Variants in CABIN1 observed in about 807,000 individuals in gnomAD.
CABIN1 encodes calcineurin binding protein 1, also known as calcineurin-binding protein cabin-1.
CABIN1 carries 133 observed loss-of-function variants against 227.7 expected under a neutral mutation model. The observed-to-expected ratio is 0.58, with a 90% CI of 0.51 to 0.67. CABIN1 has a LOEUF of 0.67. CABIN1 is among the 30% of genes least tolerant of loss of function. CABIN1 has a pLI of 0.00. For missense variants in CABIN1, 2,408 were observed against 2,852.5 expected, an observed-to-expected ratio of 0.84 and a Z score of 3.55; for synonymous variants, 1,086 against 1,155.1, an observed-to-expected ratio of 0.94 and a Z score of 1.21.
At chr22:24,032,132 T>A (rs945364657) in intron 1 of CABIN1, among the ~76,000 whole-genome samples, 1 of 152,232 alleles carries the variant, frequency 6.6e-6, no homozygotes, top group Non-Finnish European at 1.5e-5. Flanking sequence ...CTATACCCAT[T>A]AAACAGTAAC....
Position 24,164,475 on chromosome 22 carries a change from C to T in CABIN1, c.4822C>T (p.Leu1608=). 2 of 1,606,260 alleles carry T rather than the reference C, an allele frequency of 1.2e-6. No individual in the cohort carries two copies. The highest frequency in any genetic ancestry group is 8.5e-7 in the Non-Finnish European group (1 of 1,179,978). ...CTGGCACATGAACCGCTCCATCGTG[C>T]TGCTGCTCAAGGTGCTGGCCCAGCT... ...FAWHMNRSIV[L]LLKVLAQLRD... is the part of the protein sequence containing the mutation. The change falls in exon 30 of 37, where the codon CTG becomes TTG. Residue 1608 remains leucine (L), a synonymous_variant. Coordinates refer to ENST00000263119, the MANE Select transcript of CABIN1 (RefSeq NM_012295.4).
At chr22:24,129,269 G>A (rs58664265) in intron 28 of CABIN1, among the ~76,000 whole-genome samples, 19,528 of 152,192 alleles carry the variant, frequency 0.13, 1,520 homozygotes, top group East Asian at 0.3. Flanking sequence ...GAAGAGAAAG[G>A]GAGCGTGGGG....
Position 24,055,108 on chromosome 22 carries a change from A to C in CABIN1, c.1042A>C (p.Thr348Pro). 1 of 1,614,048 alleles carries C rather than the reference A, an allele frequency of 6.2e-7. No individual in the cohort carries two copies. Residue 348 changes from threonine (T) to proline (P), a missense_variant, in exon 9 of 37, where the codon ACC becomes CCC. Transcript: ENST00000263119. ...GGTCTCCTACACCTCTGTGGCTACA[A>C]CCAGCTTCCCACTGCACAGTCCTGG... is the stretch of plus-strand genomic sequence containing the variant. Reference protein sequence around the residue: ...PVVSYTSVATTSFPLHSPGLL... With the variant: ...PVVSYTSVATPSFPLHSPGLL...
intron 26 of CABIN1, among the ~76,000 whole-genome samples, chr22:24,100,206 C>A (rs185891499): frequency 5.2e-5 from 8 of 152,386 alleles, no homozygotes; most frequent in Admixed American, 1.3e-4. Flanking sequence ...GATCCCATGG[C>A]CCATCTTTGC....
intron 5 of CABIN1, among the ~76,000 whole-genome samples, chr22:24,042,010 G>A (rs1003041633): frequency 2.0e-5 from 3 of 152,188 alleles, no homozygotes; most frequent in Non-Finnish European, 4.4e-5. Context: ...GGAGTGCAGT[G>A]GCACAATCAG....
chr22:24,167,323 A>G lies in CABIN1; in HGVS notation c.5682+10A>G. ...CATGCTCATCAAGCAGGTGGGTGGC[A>G]GGCAGAGGCCTGGGGGCACTAGTCT... is the stretch of plus-strand genomic sequence containing the variant. On this transcript the variant is annotated intron_variant, in intron 32 of 36. Transcript: ENST00000263119. 1 of 1,610,066 alleles carries G rather than the reference A, an allele frequency of 6.2e-7. No individual in the cohort carries two copies. Among genetic ancestry groups the G allele is most frequent in the South Asian group, 1.1e-5 (1 of 90,188 alleles).
chr22:24,169,452 C>G (rs992021004), intron 33 of CABIN1, among the ~76,000 whole-genome samples: 2 of 152,172 alleles, frequency 1.3e-5, no homozygotes, highest in Admixed American at 6.5e-5. Context: ...TGGGCTATTA[C>G]GTCTGCGGAA....
At chr22:24,136,762 C>T (rs1049483611) in intron 29 of CABIN1, among the ~76,000 whole-genome samples, 4 of 151,804 alleles carry the variant, frequency 2.6e-5, no homozygotes, top group African/African-American at 9.7e-5. Context: ...CACACACACA[C>T]ACACAGAAAG....
At chr22:24,041,510 C>T (rs1359809659) in intron 5 of CABIN1, among the ~76,000 whole-genome samples, 2 of 152,154 alleles carry the variant, frequency 1.3e-5, no homozygotes, top group African/African-American at 2.4e-5. Flanking sequence ...TGAATTCTTC[C>T]TTTGCTGCTC....
intron 18 of CABIN1, 118 bp downstream of exon 18, chr22:24,072,628 A>G: frequency 8.1e-7 from 1 of 1,234,460 alleles, no homozygotes; most frequent in Non-Finnish European, 1.2e-6. Flanking sequence ...AGTCCTCTCA[A>G]TCCCAGGATT....
At chr22:24,018,201 C>G (rs955861899) in intron 1 of CABIN1, among the ~76,000 whole-genome samples, 1 of 152,048 alleles carries the variant, frequency 6.6e-6, no homozygotes, top group African/African-American at 2.4e-5. Flanking sequence ...GGTATTAGTC[C>G]CTTGTCAGTG....
intron 26 of CABIN1, among the ~76,000 whole-genome samples, chr22:24,112,541 G>T (rs1396245004): frequency 6.6e-6 from 1 of 152,088 alleles, no homozygotes; most frequent in Admixed American, 6.5e-5. Flanking sequence ...CCTTCTCCCT[G>T]CAGTAGACTC....
chr22:24,061,309 G>A (rs2039173755), intron 12 of CABIN1, among the ~76,000 whole-genome samples: 1 of 152,214 alleles, frequency 6.6e-6, no homozygotes, highest in Non-Finnish European at 1.5e-5. Flanking sequence ...TGAAGCAGGA[G>A]CACCAGGAAC....
At chr22:24,088,368 C>T (rs952348766) in intron 23 of CABIN1, among the ~76,000 whole-genome samples, 1 of 152,114 alleles carries the variant, frequency 6.6e-6, no homozygotes, top group South Asian at 2.1e-4. Flanking sequence ...CCAACACTTT[C>T]GGAGACTGAG....
intron 22 of CABIN1, among the ~76,000 whole-genome samples, 170 bp downstream of exon 22, chr22:24,085,321 G>A (rs2041080700): frequency 6.6e-6 from 1 of 152,196 alleles, no homozygotes; most frequent in African/African-American, 2.4e-5. Context: ...GGAAAGGCAG[G>A]TTTTCCATAA....
At position 24,041,994 on chromosome 22, in the gene CABIN1, C is replaced by G. The variant is rs369509838; in HGVS notation, c.345+721C>G. On this transcript the variant is annotated intron_variant, in intron 5 of 36. Transcript: ENST00000263119. The stretch of plus-strand genomic sequence containing the variant: ...AAAGACAGGGTCTCAGTCTGTTGCC[C>G]ATGCTGGAGTGCAGTGGCACAATCA... Among the ~76,000 whole-genome samples the G allele has an allele frequency of 5.9e-4, 90 of 152,312 alleles. 1 individual carries two copies. In the South Asian group the frequency reaches 0.018, roughly 30 times the overall value.
intron 34 of CABIN1, 24 bp downstream of exon 34, chr22:24,172,019 C>G (rs1308428831): frequency 6.2e-7 from 1 of 1,601,396 alleles, no homozygotes; most frequent in Non-Finnish European, 8.5e-7. Context: ...CAGTCCAGAG[C>G]TGGGCCCAGG....
chr22:24,120,308 TC>T (rs1378284521), intron 28 of CABIN1, among the ~76,000 whole-genome samples: 2 of 152,226 alleles, frequency 1.3e-5, no homozygotes, highest in African/African-American at 2.4e-5. Context: ...GATGTAGCGA[TC>T]CTTAACAGCT....
At chr22:24,078,111 T>C (rs776900827) in intron 19 of CABIN1, among the ~76,000 whole-genome samples, 111 of 152,190 alleles carry the variant, frequency 7.3e-4, no homozygotes, top group Admixed American at 2.4e-3. Flanking sequence ...GTTTCCTTCC[T>C]GCATTTTCAA....
Sources: allele counts gnomAD v4.1 joint callset (sites outside exome capture counted in the v4.1 genomes callset), GRCh38; gene constraint gnomAD v4.1.1; transcripts MANE v1.5; gene names NCBI Gene and HGNC (gene_info 2026-07-23, HGNC 2026-07-21).